Variants in MYO18A observed in about 807,000 individuals in gnomAD.
MYO18A encodes unconventional myosin-XVIIIa.
A neutral mutation model predicts 235.8 loss-of-function variants in MYO18A; 78 were observed. The observed-to-expected ratio is 0.33, with a 90% confidence interval of 0.28 to 0.40. The LOEUF (loss-of-function observed/expected upper bound fraction) is 0.40, where lower values mean the gene tolerates loss of function less well. MYO18A is among the 10% of genes least tolerant of loss of function. The pLI is 1.00. For synonymous variants in MYO18A, 977 were observed against 1,077.8 expected (o/e 0.91, Z 1.83); for missense variants, 2,215 against 2,699.3 (o/e 0.82, Z 3.98).
rs1385466973 is a variant in MYO18A, at chr17:29,158,315, G to C, written c.999+7627C>G. Among the ~76,000 whole-genome samples the C allele has an allele frequency of 6.6e-6, 1 of 152,162 alleles. No homozygotes were observed. Among genetic ancestry groups the C allele is most frequent in the Non-Finnish European group, 1.5e-5 (1 of 68,030 alleles). On this transcript the variant is annotated intron_variant, in intron 2 of 41. Coordinates refer to ENST00000527372, the MANE Select transcript of MYO18A (RefSeq NM_078471.4). This position sits in a 1 kb window ranked among gnomAD's most constrained non-coding sequence, Gnocchi z 4.3. The stretch of plus-strand genomic sequence containing the variant: ...ATGGCGGGAGATTAAGGGAGCCCGA[G>C]GGGTGACCCAGGTCTAAGGAAATAG...
In MYO18A at chr17:29,092,412, C is replaced by T. The variant is rs1164524617; in HGVS notation, c.5118G>A (p.Arg1706=). 2 of 1,612,746 alleles carry T rather than the reference C, an allele frequency of 1.2e-6. No individual in the cohort carries two copies. The highest frequency in any genetic ancestry group is 8.5e-7 in the Non-Finnish European group (1 of 1,179,850). Residue 1706 remains arginine (R), a synonymous_variant, in exon 34 of 42, where the codon CGG becomes CGA. Coordinates refer to ENST00000527372, the MANE Select transcript of MYO18A (RefSeq NM_078471.4). ...EFTCAAAVKA[R]KAMEVEIEDL... ...CTTCGATCTCCACCTCCATTGCTTT[C>T]CGTGCTTTCACGGCTGCCGCACAGG...
At chr17:29,089,892 G>A in intron 37 of MYO18A, 69 bp downstream of exon 37, 1 of 1,591,590 alleles carries the variant, frequency 6.3e-7, no homozygotes, top group Non-Finnish European at 8.6e-7. Flanking sequence ...GCCCTGCTGA[G>A]CATGCGCGGC....
intron 1 of MYO18A, among the ~76,000 whole-genome samples, chr17:29,172,239 C>T (rs2068422053): frequency 6.6e-6 from 1 of 151,998 alleles, no homozygotes; most frequent in South Asian, 2.1e-4. Flanking sequence ...TTTGGAAGGC[C>T]GAGGAGGGCA....
Position 29,118,472 on chromosome 17 carries a change from C to T in MYO18A, c.1830-32G>A, listed in dbSNP as rs2067125528. Reference sequence around the variant, plus strand: ...GTACAAATAAGGCATCAGCACGGCACTTGGTCCCCATGCCAAGGCCATTTC... The same window carrying T: ...GTACAAATAAGGCATCAGCACGGCATTTGGTCCCCATGCCAAGGCCATTTC... On this transcript the variant is annotated intron_variant, in intron 8 of 41. Coordinates refer to ENST00000527372, the MANE Select transcript of MYO18A (RefSeq NM_078471.4). The surrounding 1 kb of genome is among the most constrained non-coding windows in gnomAD (Gnocchi z 4.2). 3 of 1,577,578 alleles carry T rather than the reference C, an allele frequency of 1.9e-6. No individual in the cohort carries two copies. The East Asian group carries it at 6.8e-5, about 36-fold the overall frequency.
chr17:29,107,316 C>T (rs2066812881), intron 19 of MYO18A, 127 bp from the exon 20 acceptor site: 6 of 861,456 alleles, frequency 7.0e-6, no homozygotes, highest in Non-Finnish European at 1.1e-5. Flanking sequence ...GGTGGGGAGC[C>T]TGTGGTTGAA....
intron 39 of MYO18A, among the ~76,000 whole-genome samples, 186 bp from the exon 40 acceptor site, chr17:29,085,834 T>C (rs567627458): frequency 1.3e-5 from 2 of 152,328 alleles, no homozygotes; most frequent in Admixed American, 6.5e-5. Context: ...GGGCTGCCCC[T>C]GGCACCTCTC....
intron 2 of MYO18A, among the ~76,000 whole-genome samples, chr17:29,146,184 G>C (rs372405884): frequency 1.8e-4 from 28 of 152,108 alleles, no homozygotes; most frequent in African/African-American, 6.3e-4. Context: ...CTTGAACCCG[G>C]GAGGCAGAGG....
In MYO18A at chr17:29,094,762, T is replaced by C; in HGVS notation, c.4598A>G (p.Asp1533Gly). The part of the protein sequence containing the change: ...LQDISSQESK[D>G]EASLAKVKKQ... ...CTTGACCTTGGCCAGAGAAGCCTCA[T>C]CCTTGGACTCTTGGGAAGAAATGTC... Residue 1533 changes from aspartate to glycine, a missense_variant, in exon 30 of 42, where the codon GAT becomes GGT. Coordinates refer to ENST00000527372, the MANE Select transcript of MYO18A (RefSeq NM_078471.4). The C allele has an allele frequency of 6.2e-7, 1 of 1,614,040 alleles. No homozygotes were observed. Among genetic ancestry groups the C allele is most frequent in the East Asian group, 2.2e-5 (1 of 44,876 alleles).
rs1000968852 is a variant in MYO18A, at chr17:29,125,599, C to G, written c.1000-3346G>C. 7.2e-5 allele frequency among the ~76,000 whole-genome samples: 11 copies of G among 152,370 alleles called. No homozygotes were observed. Among genetic ancestry groups the G allele is most frequent in the African/African-American group, 2.4e-4 (10 of 41,576 alleles). The stretch of plus-strand genomic sequence containing the variant: ...GCAACCTTCCTTACCACCCGCCAGG[C>G]CCTGACACCAACACATGTCCTCGAG... On this transcript the variant is annotated intron_variant, in intron 2 of 41. Transcript: ENST00000527372. The surrounding 1 kb of genome is among the most constrained non-coding windows in gnomAD (Gnocchi z 5.1).
At chr17:29,080,959 G>A (rs760553640) in intron 41 of MYO18A, 10 of 985,458 alleles carry the variant, frequency 1.0e-5, no homozygotes, top group Non-Finnish European at 1.2e-5. Context: ...GCTCACCACC[G>A]AGGACGGCCT....
chr17:29,124,559 C>A (rs530722790), intron 2 of MYO18A: 71 of 995,902 alleles, frequency 7.1e-5, no homozygotes, highest in Non-Finnish European at 8.7e-5. Context: ...CAGCAGGAGG[C>A]CCGAGCACAG....
At chr17:29,128,783 C>G (rs2152886693) in intron 2 of MYO18A, among the ~76,000 whole-genome samples, 1 of 152,348 alleles carries the variant, frequency 6.6e-6, no homozygotes, top group East Asian at 1.9e-4. Flanking sequence ...CAATCAGGTA[C>G]TACTGTCACC....
In MYO18A at chr17:29,107,060, G is replaced by A. The variant is rs777597489; in HGVS notation, c.3441+20C>T. On this transcript the variant is annotated intron_variant, in intron 20 of 41. Transcript: ENST00000527372. ...GAGGGGCCTGGGCAGAGGGAGAGCGGTCTGGGGACCTGGACCTACCCGCCT... is the reference window on the plus strand; with the variant it reads ...GAGGGGCCTGGGCAGAGGGAGAGCGATCTGGGGACCTGGACCTACCCGCCT... The A allele has an allele frequency of 1.9e-6, 3 of 1,610,614 alleles. No individual in the cohort carries two copies. Among genetic ancestry groups the A allele is most frequent in the Admixed American group, 3.3e-5 (2 of 60,028 alleles).
intron 2 of MYO18A, among the ~76,000 whole-genome samples, chr17:29,132,818 G>A (rs184280187): frequency 9.5e-4 from 145 of 152,266 alleles, no homozygotes; most frequent in Admixed American, 4.4e-3. Context: ...AATTGGAATC[G>A]GAGCAGAGAA....
At chr17:29,134,876 G>C (rs1001074050) in intron 2 of MYO18A, among the ~76,000 whole-genome samples, 2 of 152,124 alleles carry the variant, frequency 1.3e-5, no homozygotes, top group African/African-American at 4.8e-5. Context: ...TGACCTAGGA[G>C]AGGAATTGAG....
At chr17:29,108,542 G>A (rs746894797) in intron 19 of MYO18A, among the ~76,000 whole-genome samples, 1 of 152,222 alleles carries the variant, frequency 6.6e-6, no homozygotes, top group African/African-American at 2.4e-5. Context: ...GGTCACAAAG[G>A]CTGCTGCTGG....
chr17:29,097,491 C>T, intron 26 of MYO18A, 141 bp from the exon 27 acceptor site: 1 of 1,180,208 alleles, frequency 8.5e-7, no homozygotes, highest in South Asian at 1.4e-5. Context: ...TGGCTTCCTC[C>T]CAAGGCAGAA....
At position 29,107,170 on chromosome 17, in the gene MYO18A, C is replaced by T; in HGVS notation, c.3351G>A (p.Val1117=). 1 of 1,613,986 alleles carries T rather than the reference C, an allele frequency of 6.2e-7. No homozygotes were observed. The highest frequency in any genetic ancestry group is 8.5e-7 in the Non-Finnish European group (1 of 1,179,880). ...CAAAGCGGCGGCGGAACTCGGAAAA[C>T]ACCATGTGGTCAGGGTAACCTAGAG... ...MYRQGYPDHM[V]FSEFRRRFDV... Residue 1117 remains valine, a synonymous_variant, in exon 20 of 42, where the codon GTG becomes GTA. Transcript: ENST00000527372.
At chr17:29,080,911 G>A in intron 41 of MYO18A, 1 of 985,476 alleles carries the variant, frequency 1.0e-6, no homozygotes, top group South Asian at 4.7e-5. Context: ...GCCCCCGATG[G>A]AGTCCTTTAG....
Sources: gnomAD v4.1 joint callset for allele counts (sites outside exome capture counted in the v4.1 genomes callset) on GRCh38, gnomAD v4.1.1 for gene constraint, Gnocchi (gnomAD v3.1) non-coding constraint, MANE v1.5 for transcripts, NCBI Gene and HGNC (gene_info 2026-07-23, HGNC 2026-07-21) for gene names.